The following NYAP2 variants were observed in gnomAD, a reference collection of about 807,000 sequenced individuals.
The protein encoded by NYAP2 is neuronal tyrosine-phosphorylated phosphoinositide-3-kinase adapter 2.
NYAP2 carries 23 observed loss-of-function variants against 50.4 expected under a neutral mutation model. The observed-to-expected ratio is 0.46, with a 90% confidence interval of 0.33 to 0.65. NYAP2 has a LOEUF of 0.65. NYAP2 is among the 30% of genes least tolerant of loss of function. The pLI, the probability that NYAP2 is intolerant of heterozygous loss-of-function variation, is 0.02. For synonymous variants in NYAP2, 394 were observed against 365.2 expected (o/e 1.08, Z -0.90); for missense variants, 885 against 861.0 (o/e 1.03, Z -0.35).
At chr2:225,497,403 C>T (rs73075289) in intron 3 of NYAP2, among the ~76,000 whole-genome samples, 3,569 of 152,180 alleles carry the variant, frequency 0.023, 119 homozygotes, top group African/African-American at 0.081. Context: ...CATGTCACTC[C>T]GGTTACATGA....
the NYAP2 span, among the ~76,000 whole-genome samples, chr2:225,687,876 C>T: frequency 6.6e-6 from 1 of 152,128 alleles, no homozygotes; most frequent in Non-Finnish European, 1.5e-5. Context: ...AGTATAACCT[C>T]TTATCATTAA....
At chr2:225,543,468 T>C (rs949230935) in intron 4 of NYAP2, among the ~76,000 whole-genome samples, 1 of 152,040 alleles carries the variant, frequency 6.6e-6, no homozygotes, top group African/African-American at 2.4e-5. Flanking sequence ...TTTCATTTGT[T>C]TTAAGAAATT....
In NYAP2 at chr2:225,621,843, G is replaced by T. The variant is rs187339887; in HGVS notation, c.1619-5074G>T. On this transcript the variant is annotated intron_variant, in intron 5 of 6. Transcript: ENST00000636099. The stretch of plus-strand genomic sequence containing the variant: ...TACTTATGATAACATCCTTCCAGTA[G>T]CAATAAACCCTTATGCTAGCATGTG... Among the ~76,000 whole-genome samples the T allele has an allele frequency of 5.1e-4, 78 of 152,104 alleles. No homozygotes were observed. In the East Asian group the frequency reaches 9.5e-3, roughly 18 times the overall value.
At chr2:225,503,308 A>G (rs1690639226) in intron 3 of NYAP2, among the ~76,000 whole-genome samples, 2 of 152,216 alleles carry the variant, frequency 1.3e-5, no homozygotes, top group Admixed American at 6.5e-5. Flanking sequence ...TCTGAATATT[A>G]TAATTTATTT....
chr2:225,485,461 T>A (rs1690274322), intron 3 of NYAP2, among the ~76,000 whole-genome samples: 1 of 152,126 alleles, frequency 6.6e-6, no homozygotes, highest in African/African-American at 2.4e-5. Context: ...CCAGCAGCAT[T>A]TTTAGAAAGG....
chr2:225,680,243 G>T, the NYAP2 span, among the ~76,000 whole-genome samples: 1 of 152,150 alleles, frequency 6.6e-6, no homozygotes, highest in South Asian at 2.1e-4. Flanking sequence ...GCTAAGCAAG[G>T]ATATCTCTGG....
chr2:225,407,095 A>T (rs1220443433), intron 2 of NYAP2, among the ~76,000 whole-genome samples: 3 of 152,004 alleles, frequency 2.0e-5, no homozygotes. Context: ...ATTGTCGTGA[A>T]GTTATGCTGA....
intron 3 of NYAP2, among the ~76,000 whole-genome samples, chr2:225,509,075 G>A (rs1017820104): frequency 6.6e-6 from 1 of 152,110 alleles, no homozygotes; most frequent in South Asian, 2.1e-4. Context: ...TGGGAGCTAC[G>A]ACTGGTTCTC....
At chr2:225,410,596 A>G (rs1695021291) in intron 3 of NYAP2, among the ~76,000 whole-genome samples, 1 of 152,098 alleles carries the variant, frequency 6.6e-6, no homozygotes, top group South Asian at 2.1e-4. Context: ...TTGGCATTAA[A>G]ACTCAATAAT....
At chr2:225,474,058 AAATAAGG>A (rs1328565663) in intron 3 of NYAP2, among the ~76,000 whole-genome samples, 3 of 152,336 alleles carry the variant, frequency 2.0e-5, no homozygotes, top group Admixed American at 6.5e-5. Context: ...ACCATTTGTT[AAATAAGG>A]AATCCTTTCC....
chr2:225,573,524 G>T (rs1401064271), intron 4 of NYAP2, among the ~76,000 whole-genome samples: 1 of 151,934 alleles, frequency 6.6e-6, no homozygotes, highest in East Asian at 1.9e-4. Context: ...TGCTGGGATT[G>T]CAGGTGTGAG....
At chr2:225,433,349 C>G (rs1410829007) in intron 3 of NYAP2, among the ~76,000 whole-genome samples, 1 of 90,252 alleles carries the variant, frequency 1.1e-5, no homozygotes, top group Non-Finnish European at 2.6e-5. Flanking sequence ...TAGTGAGACC[C>G]TATCTGTTTA....
At chr2:225,610,451 T>C (rs937244222) in intron 5 of NYAP2, among the ~76,000 whole-genome samples, 8 of 152,136 alleles carry the variant, frequency 5.3e-5, no homozygotes, top group African/African-American at 1.9e-4. Flanking sequence ...TATGTCCAAA[T>C]AGAGTCACAT....
At chr2:225,654,017 TC>T (rs1206283261) in exon 7 of NYAP2, 6 of 130,822 alleles carry the variant, frequency 4.6e-5, no homozygotes, top group African/African-American at 1.8e-4. Flanking sequence ...AGACTCCATC[TC>T]AAAAAAAAAA....
chr2:225,685,878 C>T, the NYAP2 span, among the ~76,000 whole-genome samples: 1 of 152,136 alleles, frequency 6.6e-6, no homozygotes, highest in African/African-American at 2.4e-5. Context: ...AGATATTCTT[C>T]ACAACTTTAT....
the NYAP2 span, among the ~76,000 whole-genome samples, chr2:225,665,071 A>C: frequency 6.6e-6 from 1 of 152,222 alleles, no homozygotes; most frequent in Non-Finnish European, 1.5e-5. Context: ...TCTCTCCACA[A>C]ATAATATAGA....
chr2:225,438,597 G>A (rs1226736475), intron 3 of NYAP2, among the ~76,000 whole-genome samples: 6 of 152,142 alleles, frequency 3.9e-5, no homozygotes, highest in African/African-American at 1.4e-4. Context: ...CCAAATGAAA[G>A]AATTAAGAAT....
chr2:225,675,685 G>T, the NYAP2 span, among the ~76,000 whole-genome samples: 16 of 152,198 alleles, frequency 1.1e-4, no homozygotes, highest in South Asian at 3.3e-3. Flanking sequence ...AGCTCAGTTG[G>T]TACTCCTATT....
chr2:225,675,048 G>T, the NYAP2 span, among the ~76,000 whole-genome samples: 1 of 152,110 alleles, frequency 6.6e-6, no homozygotes. Context: ...TATTTAACTA[G>T]AAATTTTTTT....
Sources: allele counts gnomAD v4.1 joint callset (sites outside exome capture counted in the v4.1 genomes callset), GRCh38; gene constraint gnomAD v4.1.1; transcripts MANE v1.5; gene names NCBI Gene and HGNC (gene_info 2026-07-23, HGNC 2026-07-21).